NEK10: variants seen among roughly 807,000 people sequenced by gnomAD.
NEK10 encodes serine/threonine-protein kinase Nek10.
In NEK10, 122 loss-of-function variants were observed where a neutral mutation model predicts 159.8. The ratio of observed to expected loss-of-function variants is 0.76; its 90% CI spans 0.66 to 0.89. The LOEUF (loss-of-function observed/expected upper bound fraction) is 0.89. Among genes scored for constraint, NEK10 ranks in the 40% least tolerant of loss-of-function variants. NEK10 has a pLI of 0.00. For synonymous variants in NEK10, 466 were observed against 457.1 expected (o/e 1.02, Z -0.25); for missense variants, 1,342 against 1,323.1 (o/e 1.01, Z -0.22).
At chr3:27,185,097 A>G (rs976304815) in intron 26 of NEK10, among the ~76,000 whole-genome samples, 4 of 152,232 alleles carry the variant, frequency 2.6e-5, no homozygotes, top group African/African-American at 7.2e-5. Context: ...GAAAACTACA[A>G]TAAGAATTTT....
At chr3:27,187,967 G>A (rs1948772217) in intron 26 of NEK10, among the ~76,000 whole-genome samples, 1 of 152,114 alleles carries the variant, frequency 6.6e-6, no homozygotes, top group Non-Finnish European at 1.5e-5. Flanking sequence ...TTGTCAATCA[G>A]CAGACCCAAT....
chr3:27,322,930 TTTTG>T (rs1238803507), intron 5 of NEK10, among the ~76,000 whole-genome samples: 2 of 152,126 alleles, frequency 1.3e-5, no homozygotes, highest in Non-Finnish European at 2.9e-5. Context: ...GTGTTTTTGG[TTTTG>T]TTTTTTAGAA....
intron 11 of NEK10, among the ~76,000 whole-genome samples, chr3:27,305,436 A>G (rs968032592): frequency 2.6e-5 from 4 of 152,050 alleles, no homozygotes; most frequent in Non-Finnish European, 5.9e-5. Flanking sequence ...AGGCAGAAGA[A>G]TTGCTTGAAC....
intron 26 of NEK10, among the ~76,000 whole-genome samples, chr3:27,186,325 A>G (rs1575152354): frequency 6.6e-6 from 1 of 152,230 alleles, no homozygotes; most frequent in Non-Finnish European, 1.5e-5. Context: ...TTATAGACCC[A>G]GGAGAAGACA....
intron 22 of NEK10, among the ~76,000 whole-genome samples, chr3:27,281,545 T>C (rs559647474): frequency 6.6e-6 from 1 of 151,064 alleles, no homozygotes; most frequent in East Asian, 1.9e-4. Flanking sequence ...AACTTTCATC[T>C]GAGAATACAT....
chr3:27,154,828 C>T (rs1210302162), intron 30 of NEK10, among the ~76,000 whole-genome samples: 1 of 152,076 alleles, frequency 6.6e-6, no homozygotes, highest in Non-Finnish European at 1.5e-5. Context: ...ATGATAAACC[C>T]ATAGAAAACA....
chr3:27,198,069 C>T (rs1949716402), intron 25 of NEK10, among the ~76,000 whole-genome samples: 1 of 152,044 alleles, frequency 6.6e-6, no homozygotes, highest in Non-Finnish European at 1.5e-5. Context: ...AGGAATACAG[C>T]TAACCAGTAA....
chr3:27,192,707 A>G (rs982806244), intron 25 of NEK10, among the ~76,000 whole-genome samples: 1 of 152,110 alleles, frequency 6.6e-6, no homozygotes, highest in Non-Finnish European at 1.5e-5. Context: ...CAGCTGAACT[A>G]TCAGCTGAAC....
chr3:27,293,666 G>T lies in NEK10; in HGVS notation c.1309-14C>A. On this transcript the variant is annotated splice_polypyrimidine_tract_variant and intron_variant, in intron 15 of 35. Transcript: ENST00000691995. ...GAAAGCATAACACTAGAAAACAAAA[G>T]GATATGTGATTCTCAAATGGTAGCT... 6.2e-6 allele frequency: 9 copies of T among 1,446,274 alleles called. No homozygotes were observed. Among genetic ancestry groups the T allele is most frequent in the Non-Finnish European group, 8.6e-6 (9 of 1,043,918 alleles). 89.6% of individuals were successfully genotyped at this position (1,446,274 alleles called of 1,614,324 possible). A position where few individuals can be genotyped will look rare whatever the true frequency, so the allele number is the denominator to read the frequency against.
chr3:27,294,561 A>G (rs2043214121), intron 15 of NEK10, among the ~76,000 whole-genome samples: 1 of 152,196 alleles, frequency 6.6e-6, no homozygotes, highest in Non-Finnish European at 1.5e-5. Flanking sequence ...TTATCTGTTT[A>G]ACAGCACAGT....
intron 5 of NEK10, among the ~76,000 whole-genome samples, chr3:27,324,679 C>T (rs983039731): frequency 4.6e-5 from 7 of 152,278 alleles, no homozygotes; most frequent in African/African-American, 1.7e-4. Flanking sequence ...TTGCTTCCAG[C>T]TTTGCCCCTT....
intron 23 of NEK10, among the ~76,000 whole-genome samples, chr3:27,220,913 T>G (rs1012258803): frequency 6.6e-6 from 1 of 152,114 alleles, no homozygotes; most frequent in Admixed American, 6.6e-5. Flanking sequence ...ACAAGAAAAT[T>G]CAATAGGAAA....
intron 33 of NEK10, among the ~76,000 whole-genome samples, chr3:27,117,875 G>A (rs932291772): frequency 3.3e-5 from 5 of 152,218 alleles, no homozygotes; most frequent in Admixed American, 1.3e-4. Flanking sequence ...TGGCATTTTC[G>A]TCATGAAATC....
At chr3:27,229,981 C>T (rs1953059179) in intron 23 of NEK10, among the ~76,000 whole-genome samples, 2 of 152,170 alleles carry the variant, frequency 1.3e-5, no homozygotes, top group South Asian at 4.2e-4. Context: ...CCTGGCCTTA[C>T]TAGAGATCTA....
chr3:27,297,207 T>C lies in NEK10; in HGVS notation c.1202A>G (p.Asn401Ser), dbSNP rs141057699. 9.3e-3 allele frequency: 15,055 copies of C among 1,612,860 alleles called. 137 individuals are homozygous for C. Among genetic ancestry groups the C allele is most frequent in the Middle Eastern group, 0.036 (216 of 6,058 alleles). Reference sequence around the variant, plus strand: ...AACCACCTGGTGGGCATTGGTGTCATTGAGCACCAGCTCAGTGAGGGCAGC... The same window carrying C: ...AACCACCTGGTGGGCATTGGTGTCACTGAGCACCAGCTCAGTGAGGGCAGC... ...CCAALTELVL[N>S]DTNAHQVVQE... is the part of the protein sequence containing the mutation. The change falls in exon 14 of 36, where the codon AAT becomes AGT. Residue 401 changes from asparagine (N) to serine (S), a missense_variant. Transcript: ENST00000691995.
Position 27,315,006 on chromosome 3 carries a change from T to C in NEK10, c.448-668A>G, listed in dbSNP as rs190706714. Among the ~76,000 whole-genome samples the C allele has an allele frequency of 1.8e-4, 28 of 152,328 alleles. No homozygotes were observed. In the East Asian group the frequency reaches 4.0e-3, roughly 22 times the overall value. On this transcript the variant is annotated intron_variant, in intron 6 of 35. Transcript: ENST00000691995. Reference sequence around the variant, plus strand: ...ATGCTCTAAATAAATGTAAAGATAATTTTTGACAATGTCTCCTGATACAGG... The same window carrying C: ...ATGCTCTAAATAAATGTAAAGATAACTTTTGACAATGTCTCCTGATACAGG...
chr3:27,322,656 C>A (rs950922018), intron 5 of NEK10, among the ~76,000 whole-genome samples: 1 of 152,168 alleles, frequency 6.6e-6, no homozygotes, highest in Non-Finnish European at 1.5e-5. Flanking sequence ...ATTTTCATAA[C>A]CACACTTACT....
chr3:27,212,388 T>C (rs913300892), intron 23 of NEK10, among the ~76,000 whole-genome samples: 1 of 152,226 alleles, frequency 6.6e-6, no homozygotes, highest in Admixed American at 6.5e-5. Flanking sequence ...TGTAATCTTA[T>C]GTGGCTGAAG....
chr3:27,327,242 C>A (rs912412944), intron 5 of NEK10, among the ~76,000 whole-genome samples: 1 of 151,908 alleles, frequency 6.6e-6, no homozygotes, highest in Non-Finnish European at 1.5e-5. Context: ...AATATGGGAA[C>A]AGTAGCATTC....
Sources: allele counts gnomAD v4.1 joint callset (sites outside exome capture counted in the v4.1 genomes callset), GRCh38; gene constraint gnomAD v4.1.1; transcripts MANE v1.5; gene names NCBI Gene and HGNC (gene_info 2026-07-23, HGNC 2026-07-21).